FARSB: variants seen among roughly 807,000 people sequenced by gnomAD.
FARSB encodes the protein phenylalanine--tRNA ligase beta subunit.
In FARSB, 40 loss-of-function variants were observed where a neutral mutation model predicts 69.6. That is an observed-to-expected ratio of 0.57 (90% CI 0.45 to 0.75). The LOEUF (loss-of-function observed/expected upper bound fraction) is 0.75. Among genes scored for constraint, FARSB ranks in the 30% least tolerant of loss-of-function variants. FARSB has a pLI of 0.00. For synonymous variants in FARSB, 235 were observed against 247.2 expected (o/e 0.95, Z 0.46); for missense variants, 632 against 722.9 (o/e 0.87, Z 1.44).
intron 7 of FARSB, among the ~76,000 whole-genome samples, chr2:222,632,269 G>A (rs1691451331): frequency 6.6e-6 from 1 of 152,162 alleles, no homozygotes; most frequent in South Asian, 2.1e-4. Flanking sequence ...AATGTGTCAG[G>A]TGCTATGCCA....
At chr2:222,581,430 G>GC (rs1689967423) in intron 16 of FARSB, among the ~76,000 whole-genome samples, 1 of 152,106 alleles carries the variant, frequency 6.6e-6, no homozygotes, top group Non-Finnish European at 1.5e-5. Context: ...CATCCCCACT[G>GC]CCCCAAAAGT....
chr2:222,626,402 A>G (rs60990488), intron 10 of FARSB, among the ~76,000 whole-genome samples: 8,174 of 152,112 alleles, frequency 0.054, 445 homozygotes, highest in African/African-American at 0.14. Context: ...ATTTTTTTCT[A>G]TGAAATAACA....
In FARSB at chr2:222,619,759, G is replaced by C. The variant is rs764119791; in HGVS notation, c.1252-22C>G. ...AGCACTGTGAAGTACACACAAAACA[G>C]ATTAATATGGAAAAGCAATTACTTA... On this transcript the variant is annotated intron_variant, in intron 13 of 16. Coordinates refer to ENST00000281828, the MANE Select transcript of FARSB (RefSeq NM_005687.5). The C allele has an allele frequency of 3.1e-6, 4 of 1,303,528 alleles. No individual in the cohort carries two copies. The South Asian group carries it at 3.6e-5, about 12-fold the overall frequency. The allele number at this position is 1,303,528 out of a possible 1,614,324, so 80.7% of individuals were successfully genotyped here.
At position 222,656,069 on chromosome 2, in the gene FARSB, G is replaced by A. The variant is rs538600753; in HGVS notation, c.5C>T (p.Pro2Leu). 6.8e-5 allele frequency: 109 copies of A among 1,595,392 alleles called. No individual in the cohort carries two copies. Among genetic ancestry groups the A allele is most frequent in the Non-Finnish European group, 9.1e-5 (107 of 1,172,446 alleles). The change falls in exon 1 of 17, where the codon CCG becomes CTG. Residue 2 changes from proline (P) to leucine (L), a missense_variant. Pro to Leu is a moderately conservative substitution (Grantham distance 98). Coordinates refer to ENST00000281828, the MANE Select transcript of FARSB (RefSeq NM_005687.5). M[P>L]TVSVKRDLLF... ...CAGATCACGCTTCACGCTGACAGTC[G>A]GCATGGTGTGTCGAACTCACTGCGC...
intron 16 of FARSB, among the ~76,000 whole-genome samples, chr2:222,579,118 G>T (rs957704330): frequency 1.3e-5 from 2 of 152,240 alleles, no homozygotes; most frequent in Non-Finnish European, 2.9e-5. Flanking sequence ...AAAAAGTGAA[G>T]CACAAGGAGA....
At chr2:222,592,080 A>T (rs1311620701) in intron 16 of FARSB, among the ~76,000 whole-genome samples, 1 of 152,186 alleles carries the variant, frequency 6.6e-6, no homozygotes, top group Non-Finnish European at 1.5e-5. Flanking sequence ...TTAAAATATG[A>T]TTTGTAAGTG....
intron 5 of FARSB, among the ~76,000 whole-genome samples, chr2:222,638,532 G>A (rs780220167): frequency 2.2e-4 from 34 of 152,114 alleles, no homozygotes; most frequent in Non-Finnish European, 4.3e-4. Context: ...ATATTAGCAA[G>A]CTGACATATA....
intron 1 of FARSB, 52 bp downstream of exon 1, chr2:222,655,964 G>T: frequency 7.1e-7 from 1 of 1,409,556 alleles, no homozygotes. Flanking sequence ...TTGGAGGGAG[G>T]CCCTGCCTCC....
At chr2:222,576,719 G>T (rs1689849330) in intron 16 of FARSB, among the ~76,000 whole-genome samples, 1 of 152,142 alleles carries the variant, frequency 6.6e-6, no homozygotes, top group Non-Finnish European at 1.5e-5. Flanking sequence ...AATTGACAGG[G>T]TGGGTGACAA....
intron 15 of FARSB, among the ~76,000 whole-genome samples, chr2:222,610,676 A>G (rs995672625): frequency 1.3e-5 from 2 of 152,232 alleles, no homozygotes; most frequent in East Asian, 3.8e-4. Context: ...ATGCTAAATT[A>G]TCTGAGCTTA....
intron 10 of FARSB, among the ~76,000 whole-genome samples, chr2:222,625,477 G>A (rs1187211803): frequency 3.3e-5 from 5 of 152,186 alleles, no homozygotes; most frequent in Non-Finnish European, 7.3e-5. Flanking sequence ...CTGGAACCTT[G>A]CTACTCAAAA....
chr2:222,570,818 C>G lies in FARSB; in HGVS notation c.*1053G>C, dbSNP rs370003848. On this transcript the variant is annotated 3_prime_UTR_variant, in exon 17 of 17. Transcript: ENST00000281828. ...GATTACAGGCATGAGCCACAGCGCA[C>G]CCAGCCTTTGTTAGCTATTTCTACT... is the stretch of plus-strand genomic sequence containing the variant. 12 of 152,232 alleles carry G rather than the reference C, an allele frequency of 7.9e-5. No homozygotes were observed. In the East Asian group the frequency reaches 1.7e-3, roughly 22 times the overall value. 9.4% of individuals were successfully genotyped at this position (152,232 alleles called of 1,614,324 possible). A position where few individuals can be genotyped will look rare whatever the true frequency, so the allele number is the denominator to read the frequency against.
intron 15 of FARSB, among the ~76,000 whole-genome samples, chr2:222,608,794 T>G (rs116756834): frequency 0.017 from 2,603 of 152,262 alleles, 27 homozygotes; most frequent in South Asian, 0.042. Context: ...AATAATGCTC[T>G]GAGCAAAAAG....
In FARSB at chr2:222,571,685, G is replaced by A. The variant is rs1162317989; in HGVS notation, c.*186C>T. ...CAGCTTCACACACAGACACCACACT[G>A]GTATATGGCACAAGCTGGCCTAATA... On this transcript the variant is annotated 3_prime_UTR_variant, in exon 17 of 17. Transcript: ENST00000281828. 5.4e-6 allele frequency: 3 copies of A among 552,092 alleles called. No homozygotes were observed. Among genetic ancestry groups the A allele is most frequent in the Non-Finnish European group, 9.7e-6 (3 of 309,390 alleles). 34.2% of individuals were successfully genotyped at this position (552,092 alleles called of 1,614,324 possible).
intron 10 of FARSB, among the ~76,000 whole-genome samples, chr2:222,625,235 C>A (rs539379490): frequency 6.6e-6 from 1 of 152,284 alleles, no homozygotes; most frequent in South Asian, 2.1e-4. Flanking sequence ...TTACCATTTC[C>A]AGGTGGAGAA....
intron 2 of FARSB, chr2:222,644,667 C>A: frequency 3.3e-6 from 1 of 302,174 alleles, no homozygotes; most frequent in Non-Finnish European, 6.8e-6. Flanking sequence ...TTCAAGCTCC[C>A]CAGTGGATGC....
chr2:222,620,425 AAAC>A (rs1317668177), intron 13 of FARSB, among the ~76,000 whole-genome samples: 4 of 152,252 alleles, frequency 2.6e-5, no homozygotes, highest in African/African-American at 9.6e-5. Flanking sequence ...CACATGCCTG[AAAC>A]TCATAACAAA....
intron 1 of FARSB, 152 bp from the exon 2 acceptor site, chr2:222,648,947 C>CCAGGG: frequency 1.5e-6 from 1 of 664,736 alleles, no homozygotes; most frequent in Non-Finnish European, 2.8e-6. Flanking sequence ...AACAAACAGG[C>CCAGGG]CAGGCATGGT....
At chr2:222,579,993 A>G (rs1689926980) in intron 16 of FARSB, among the ~76,000 whole-genome samples, 1 of 152,214 alleles carries the variant, frequency 6.6e-6, no homozygotes, top group Non-Finnish European at 1.5e-5. Context: ...AATAACATGG[A>G]TTAGTGACAG....
Sources: gnomAD v4.1 joint callset for allele counts (sites outside exome capture counted in the v4.1 genomes callset) on GRCh38, gnomAD v4.1.1 for gene constraint, MANE v1.5 for transcripts, NCBI Gene and HGNC (gene_info 2026-07-23, HGNC 2026-07-21) for gene names.